PKIB: variants seen among roughly 807,000 people sequenced by gnomAD.
PKIB encodes PKI-beta.
PKIB carries 2 observed loss-of-function variants against 4.5 expected under a neutral mutation model. The observed-to-expected ratio is 0.44, with a 90% CI of 0.18 to 1.39. The LOEUF (loss-of-function observed/expected upper bound fraction) is 1.39. Among genes scored for constraint, PKIB ranks in the 40% most tolerant of loss-of-function variants. PKIB has a pLI of 0.27. For synonymous variants in PKIB, 38 were observed against 36.0 expected, an observed-to-expected ratio of 1.06 and a Z score of -0.20; for missense variants, 94 against 92.6, an observed-to-expected ratio of 1.02 and a Z score of -0.06.
In PKIB at chr6:122,514,275, C is replaced by T. The variant is rs911814798; in HGVS notation, c.-248+36336C>T. On this transcript the variant is annotated intron_variant, in intron 2 of 6. Transcript: ENST00000392491. ...GTATGCTTTCCTTTTGGTTTGGGGT[C>T]ACATTCCCTGTATGCCTGGAAAAAA... Among the ~76,000 whole-genome samples, 5 of 152,238 alleles carry T rather than the reference C, an allele frequency of 3.3e-5. No homozygotes were observed. The Middle Eastern group carries it at 0.01, about 311-fold the overall frequency.
intron 3 of PKIB, among the ~76,000 whole-genome samples, chr6:122,594,342 G>A (rs1774107635): frequency 6.6e-6 from 1 of 151,984 alleles, no homozygotes; most frequent in Non-Finnish European, 1.5e-5. Context: ...CGAAAGCTGA[G>A]ATTACAGGCG....
At chr6:122,533,144 CTTTT>C (rs34946240) in intron 2 of PKIB, among the ~76,000 whole-genome samples, 49,551 of 147,066 alleles carry the variant, frequency 0.34, 8,526 homozygotes, top group South Asian at 0.36. Context: ...ATGCACAAAA[CTTTT>C]TATTTATTTA....
intron 2 of PKIB, among the ~76,000 whole-genome samples, chr6:122,659,445 A>G (rs1207892239): frequency 1.3e-5 from 2 of 152,146 alleles, no homozygotes; most frequent in Non-Finnish European, 2.9e-5. Flanking sequence ...TGAATATGAA[A>G]TCATTTTGTA....
At chr6:122,544,147 A>T (rs932035076) in intron 2 of PKIB, among the ~76,000 whole-genome samples, 1 of 151,978 alleles carries the variant, frequency 6.6e-6, no homozygotes, top group Non-Finnish European at 1.5e-5. Context: ...CAAACGCTTT[A>T]AAATACAAAG....
At chr6:122,626,676 T>C (rs1247187534) in intron 1 of PKIB, among the ~76,000 whole-genome samples, 1 of 152,194 alleles carries the variant, frequency 6.6e-6, no homozygotes, top group Non-Finnish European at 1.5e-5. Flanking sequence ...GTGTTAATCT[T>C]TTGCTATTTA....
chr6:122,507,865 G>A (rs1157594626), intron 2 of PKIB, among the ~76,000 whole-genome samples: 1 of 151,338 alleles, frequency 6.6e-6, no homozygotes, highest in East Asian at 1.9e-4. Context: ...TTTACCTTTT[G>A]TCCTGTTAAA....
chr6:122,710,716 T>C (rs1562314751), intron 3 of PKIB, among the ~76,000 whole-genome samples: 1 of 152,208 alleles, frequency 6.6e-6, no homozygotes, highest in East Asian at 1.9e-4. Context: ...AGTTAAGGCA[T>C]GGGAAGACCT....
chr6:122,666,543 G>A (rs961981246), intron 2 of PKIB, among the ~76,000 whole-genome samples: 1 of 152,178 alleles, frequency 6.6e-6, no homozygotes, highest in Non-Finnish European at 1.5e-5. Flanking sequence ...TGGTGGATAC[G>A]CAATATGACA....
At chr6:122,659,289 T>C (rs1165740586) in intron 2 of PKIB, among the ~76,000 whole-genome samples, 1 of 152,210 alleles carries the variant, frequency 6.6e-6, no homozygotes, top group Non-Finnish European at 1.5e-5. Context: ...TCTACGTACA[T>C]GTGGATACTC....
chr6:122,590,172 G>A (rs1282519365), intron 3 of PKIB, among the ~76,000 whole-genome samples: 1 of 152,148 alleles, frequency 6.6e-6, no homozygotes, highest in African/African-American at 2.4e-5. Context: ...CTCTGAGCCT[G>A]CTGCAGGCAA....
At chr6:122,543,974 C>G (rs1772401938) in intron 2 of PKIB, among the ~76,000 whole-genome samples, 1 of 151,880 alleles carries the variant, frequency 6.6e-6, no homozygotes, top group Admixed American at 6.6e-5. Flanking sequence ...ATATTTCACA[C>G]AACATCTCAT....
chr6:122,486,023 C>T lies in PKIB; in HGVS notation c.-248+8084C>T, dbSNP rs1775756997. 2.0e-5 allele frequency among the ~76,000 whole-genome samples: 3 copies of T among 152,178 alleles called. No homozygotes were observed. The South Asian group carries it at 6.2e-4, about 32-fold the overall frequency. On this transcript the variant is annotated intron_variant, in intron 2 of 6. Transcript: ENST00000392491. ...GAAATAACATATTCATAGACACATACACAAATGTGGCTAATTCATCACAAA... is the reference window on the plus strand; with the variant it reads ...GAAATAACATATTCATAGACACATATACAAATGTGGCTAATTCATCACAAA...
chr6:122,532,884 A>T (rs1300467604), intron 2 of PKIB, among the ~76,000 whole-genome samples: 6 of 152,166 alleles, frequency 3.9e-5, no homozygotes, highest in Admixed American at 3.9e-4. Flanking sequence ...AAATAATGGG[A>T]TCACCGAATC....
At chr6:122,563,834 T>A (rs1179182531) in intron 2 of PKIB, among the ~76,000 whole-genome samples, 4 of 152,060 alleles carry the variant, frequency 2.6e-5, no homozygotes, top group African/African-American at 9.7e-5. Flanking sequence ...CAGCCCCAAG[T>A]CTGTTTCCAG....
At chr6:122,586,033 G>A (rs957864045) in intron 3 of PKIB, 6 of 152,072 alleles carry the variant, frequency 3.9e-5, no homozygotes, top group African/African-American at 9.7e-5. Flanking sequence ...TAGTGATCAC[G>A]TTTTGTCATG....
chr6:122,669,484 G>T (rs1039810748), intron 2 of PKIB, among the ~76,000 whole-genome samples: 41 of 151,768 alleles, frequency 2.7e-4, no homozygotes, highest in African/African-American at 8.9e-4. Flanking sequence ...AACCTTTGCT[G>T]ATTACTGCTG....
At chr6:122,626,217 C>T (rs540814809) in intron 1 of PKIB, among the ~76,000 whole-genome samples, 6 of 152,312 alleles carry the variant, frequency 3.9e-5, no homozygotes, top group Admixed American at 6.5e-5. Flanking sequence ...CATATTTTCA[C>T]AACTGTATAA....
intron 3 of PKIB, among the ~76,000 whole-genome samples, chr6:122,715,234 G>T (rs546165649): frequency 6.6e-6 from 1 of 151,070 alleles, no homozygotes; most frequent in African/African-American, 2.4e-5. Flanking sequence ...ATTTAAGATC[G>T]CATATCTTAA....
At chr6:122,658,180 T>A (rs1348023256) in intron 2 of PKIB, among the ~76,000 whole-genome samples, 2 of 152,136 alleles carry the variant, frequency 1.3e-5, no homozygotes, top group Non-Finnish European at 2.9e-5. Context: ...GGTTCTGGAA[T>A]AATTAATTGA....
Sources: gnomAD v4.1 joint callset for allele counts (sites outside exome capture counted in the v4.1 genomes callset) on GRCh38, gnomAD v4.1.1 for gene constraint, MANE v1.5 for transcripts, NCBI Gene and HGNC (gene_info 2026-07-23, HGNC 2026-07-21) for gene names.